The following ZFYVE26 variants were observed in gnomAD, a reference collection of about 807,000 sequenced individuals.
The protein encoded by ZFYVE26 is zinc finger FYVE domain-containing protein 26.
A neutral mutation model predicts 276.5 loss-of-function variants in ZFYVE26; 181 were observed. The observed-to-expected ratio is 0.65, with a 90% CI of 0.58 to 0.74. ZFYVE26 has a LOEUF of 0.74. Ranked by LOEUF, ZFYVE26 falls within the 30% of genes least tolerant of loss-of-function variation. ZFYVE26 has a pLI of 0.00. For synonymous variants in ZFYVE26, 1,129 were observed against 1,203.1 expected (o/e 0.94, Z 1.27); for missense variants, 2,821 against 3,097.9 (o/e 0.91, Z 2.12).
In ZFYVE26 at chr14:67,813,980, A is replaced by G. The variant is rs758430469; in HGVS notation, c.273+6T>C. 8.1e-6 allele frequency: 13 copies of G among 1,610,566 alleles called. No homozygotes were observed. In the East Asian group the frequency reaches 2.9e-4, roughly 36 times the overall value. On this transcript the variant is annotated splice_donor_region_variant and intron_variant, in intron 3 of 41. Coordinates refer to ENST00000347230, the MANE Select transcript of ZFYVE26 (RefSeq NM_015346.4). The stretch of plus-strand genomic sequence containing the variant: ...TCGGAGGAAAATTTAATATAAACCT[A>G]CTTACCTTTTCCCGGGCCAACCATT...
At chr14:67,776,127 T>C (rs538130151) in intron 25 of ZFYVE26, 21 bp from the exon 26 acceptor site, 11 of 1,613,782 alleles carry the variant, frequency 6.8e-6, no homozygotes, top group African/African-American at 2.7e-5. Flanking sequence ...GGTAGATCCA[T>C]AGAGTAAAGA....
At chr14:67,729,454 C>A in exon 14 of ZFYVE26, 1 of 1,431,136 alleles carries the variant, frequency 7.0e-7, no homozygotes, top group Non-Finnish European at 9.7e-7. Context: ...GCTGTTCATC[C>A]TGAGAAGCTG....
At chr14:67,790,889 G>T in intron 14 of ZFYVE26, 116 bp from the exon 15 acceptor site, 1 of 956,036 alleles carries the variant, frequency 1.0e-6, no homozygotes, top group Non-Finnish European at 1.7e-6. Context: ...TTTGTGCTTT[G>T]TAGGGTCAGA....
intron 39 of ZFYVE26, 54 bp from the exon 40 acceptor site, chr14:67,752,580 G>T: frequency 6.3e-7 from 1 of 1,587,290 alleles, no homozygotes; most frequent in Non-Finnish European, 8.6e-7. Context: ...TAACGGTGGG[G>T]AGGGAGGCAG....
At chr14:67,762,582 T>A (rs1265111968) in intron 33 of ZFYVE26, 90 bp downstream of exon 33, 1 of 1,598,442 alleles carries the variant, frequency 6.3e-7, no homozygotes, top group Non-Finnish European at 8.5e-7. Context: ...GCAGGACAAC[T>A]GAGAGACGGC....
chr14:67,812,964 G>C (rs189621572), intron 3 of ZFYVE26, among the ~76,000 whole-genome samples: 140 of 151,924 alleles, frequency 9.2e-4, no homozygotes, highest in African/African-American at 3.3e-3. Context: ...CTTTCTTCTC[G>C]CTCCTACTAG....
chr14:67,812,315 CACATGGAGAGAT>C (rs2040318902), intron 3 of ZFYVE26, among the ~76,000 whole-genome samples: 1 of 152,024 alleles, frequency 6.6e-6, no homozygotes, highest in Non-Finnish European at 1.5e-5. Context: ...TAATTGCTTA[CACATGGAGAGAT>C]ACATCTCTGC....
In ZFYVE26 at chr14:67,761,103, G is replaced by A. The variant is rs186488892; in HGVS notation, c.6588+263C>T. On this transcript the variant is annotated intron_variant, in intron 35 of 41. Coordinates refer to ENST00000347230, the MANE Select transcript of ZFYVE26 (RefSeq NM_015346.4). ...AGAGACATGCTCTTAACCACTATCC[G>A]ATTCTGCTGCATGTTTTGGCAGAAG... 771 of 639,962 alleles carry A rather than the reference G, an allele frequency of 1.2e-3. 4 individuals are homozygous for A. In the African/African-American group the frequency reaches 0.012, roughly 10 times the overall value. 39.6% of individuals were successfully genotyped at this position (639,962 alleles called of 1,614,324 possible). A position where few individuals can be genotyped will look rare whatever the true frequency, so the allele number is the denominator to read the frequency against.
intron 23 of ZFYVE26, among the ~76,000 whole-genome samples, chr14:67,778,816 T>A (rs1258671390): frequency 8.5e-5 from 13 of 152,054 alleles, no homozygotes. Flanking sequence ...GTGTCTGGAA[T>A]GTCCTCCCCA....
chr14:67,751,140 G>C (rs780733229), intron 40 of ZFYVE26, 44 bp from the exon 41 acceptor site: 3 of 1,611,710 alleles, frequency 1.9e-6, no homozygotes, highest in Non-Finnish European at 2.5e-6. Context: ...GAAGAGTCCC[G>C]CAGTCTGGGA....
In ZFYVE26 at chr14:67,783,240, G is replaced by C. The variant is rs886050657; in HGVS notation, c.3912C>G (p.Ala1304=). ...TTGAGCGTGACTTAAGAAAGGCCAAGGCAGAGGAGGTGAGGGCTGGGAGTG... is the reference window on the plus strand; with the variant it reads ...TTGAGCGTGACTTAAGAAAGGCCAACGCAGAGGAGGTGAGGGCTGGGAGTG... The part of the protein sequence containing the change: ...DSSLPALTSS[A]LAFLKSRSKL... Residue 1304 remains alanine (A), a synonymous_variant, in exon 21 of 42, where the codon GCC becomes GCG. Transcript: ENST00000347230. 6.2e-7 allele frequency: 1 copy of C among 1,614,028 alleles called. No homozygotes were observed. The highest frequency in any genetic ancestry group is 8.5e-7 in the Non-Finnish European group (1 of 1,179,916).
At chr14:67,791,828 G>C (rs2039821772) in intron 14 of ZFYVE26, among the ~76,000 whole-genome samples, 1 of 151,916 alleles carries the variant, frequency 6.6e-6, no homozygotes, top group South Asian at 2.1e-4. Flanking sequence ...AGGAGGCCAA[G>C]GAGGGTGGAT....
chr14:67,775,392 T>G (rs534221330), intron 26 of ZFYVE26, among the ~76,000 whole-genome samples: 1 of 152,248 alleles, frequency 6.6e-6, no homozygotes, highest in South Asian at 2.1e-4. Flanking sequence ...GTGGAAGACG[T>G]TGAAATGATG....
intron 27 of ZFYVE26, among the ~76,000 whole-genome samples, 165 bp downstream of exon 27, chr14:67,774,851 A>G (rs2039298647): frequency 6.6e-6 from 1 of 152,046 alleles, no homozygotes; most frequent in South Asian, 2.1e-4. Flanking sequence ...TGTATGTTGA[A>G]TCTTTTGAGA....
chr14:67,814,497 T>A (rs2040362310), intron 2 of ZFYVE26, among the ~76,000 whole-genome samples: 1 of 151,584 alleles, frequency 6.6e-6, no homozygotes, highest in Admixed American at 6.6e-5. Flanking sequence ...CCAGCCTGGG[T>A]GACAGAGCAA....
intron 41 of ZFYVE26, chr14:67,750,358 T>TTAAAAAA: frequency 1.3e-5 from 2 of 155,000 alleles, no homozygotes; most frequent in South Asian, 2.0e-4. Context: ...TCAGTTTTCA[T>TTAAAAAA]CACAGGGGAC....
At position 67,752,348 on chromosome 14, in the gene ZFYVE26, G is replaced by C; in HGVS notation, c.7367C>G (p.Pro2456Arg). The change falls in exon 40 of 42, where the codon CCC (proline) becomes CGC (arginine). Residue 2456 changes from proline to arginine, a missense_variant. Coordinates refer to ENST00000347230, the MANE Select transcript of ZFYVE26 (RefSeq NM_015346.4). The part of the protein sequence containing the change: ...NCLEAFKRIP[P>R]QELEGLIQAI... ...GAGGTACGGGAGGGAGTGTACCTGG[G>C]GCGGAATTCTCTTGAACGCTTCCAG... is the stretch of plus-strand genomic sequence containing the variant. 1.2e-6 allele frequency: 2 copies of C among 1,609,606 alleles called. No homozygotes were observed. The highest frequency in any genetic ancestry group is 2.2e-5 in the East Asian group (1 of 44,742).
At chr14:67,738,862 A>T (rs2038382698) in intron 13 of ZFYVE26, among the ~76,000 whole-genome samples, 1 of 152,222 alleles carries the variant, frequency 6.6e-6, no homozygotes, top group African/African-American at 2.4e-5. Flanking sequence ...TCTGTGAATG[A>T]TTAACTGATC....
chr14:67,769,626 C>A lies in ZFYVE26; in HGVS notation c.5589G>T (p.Val1863=). The A allele has an allele frequency of 6.2e-7, 1 of 1,614,008 alleles. No homozygotes were observed. Among genetic ancestry groups the A allele is most frequent in the South Asian group, 1.1e-5 (1 of 91,076 alleles). The change falls in exon 29 of 42, where the codon GTG becomes GTT. Residue 1863 remains valine (V), a synonymous_variant. Coordinates refer to ENST00000347230, the MANE Select transcript of ZFYVE26 (RefSeq NM_015346.4). ...VEGCRENPAR[V]CDQCYSYCNK... is the part of the protein sequence containing the mutation. ...TGCAGTAACTATAGCACTGATCACACACACGAGCAGGGTTCTCTCTGCAGC... is the reference window on the plus strand; with the variant it reads ...TGCAGTAACTATAGCACTGATCACAAACACGAGCAGGGTTCTCTCTGCAGC...
Sources: allele counts gnomAD v4.1 joint callset (sites outside exome capture counted in the v4.1 genomes callset), GRCh38; gene constraint gnomAD v4.1.1; transcripts MANE v1.5; gene names NCBI Gene and HGNC (gene_info 2026-07-23, HGNC 2026-07-21).